The following GAP43 variants were observed in gnomAD, a reference collection of about 807,000 sequenced individuals.
The protein encoded by GAP43 is growth associated protein 43.
In GAP43, 6 loss-of-function variants were observed where a neutral mutation model predicts 18.6. That is an observed-to-expected ratio of 0.32 (90% CI 0.18 to 0.64). GAP43 has a LOEUF of 0.64. Among genes scored for constraint, GAP43 ranks in the 30% least tolerant of loss-of-function variants. GAP43 has a pLI of 0.78. For synonymous variants in GAP43, 115 were observed against 111.4 expected, an observed-to-expected ratio of 1.03 and a Z score of -0.20; for missense variants, 292 against 295.5, an observed-to-expected ratio of 0.99 and a Z score of 0.09.
Position 115,683,111 on chromosome 3 carries a change from C to T in GAP43, c.628+6501C>T, listed in dbSNP as rs540551911. Among the ~76,000 whole-genome samples the T allele has an allele frequency of 1.5e-3, 220 of 143,486 alleles. 1 individual carries two copies. Among genetic ancestry groups the T allele is most frequent in the African/African-American group, 5.4e-3 (204 of 38,064 alleles). The allele number at this position is 143,486 out of a possible 152,430, so 94.1% of individuals were successfully genotyped here. ...CATTCATAAAATATTTTTCTTTTTT[C>T]TCTACATACATGTGCGCGCGCGTGC... On this transcript the variant is annotated intron_variant, in intron 2 of 2. Coordinates refer to ENST00000305124, the MANE Select transcript of GAP43 (RefSeq NM_002045.4).
chr3:115,694,026 G>T (rs747927939), intron 2 of GAP43, among the ~76,000 whole-genome samples: 4 of 152,124 alleles, frequency 2.6e-5, no homozygotes, highest in African/African-American at 4.8e-5. Context: ...TTGCTGGCAC[G>T]TGCCCGGTGG....
At chr3:115,695,914 T>C (rs1709182441) in intron 2 of GAP43, among the ~76,000 whole-genome samples, 1 of 152,204 alleles carries the variant, frequency 6.6e-6, no homozygotes, top group Non-Finnish European at 1.5e-5. Flanking sequence ...GGATGTTGCC[T>C]ATTCTGATTA....
chr3:115,659,528 ATTAAACACTACGATGTGATGGGCT>A (rs540829330), intron 1 of GAP43, among the ~76,000 whole-genome samples: 105 of 152,334 alleles, frequency 6.9e-4, no homozygotes, highest in African/African-American at 2.5e-3. Context: ...GTGAATGAAC[ATTAAACACTACGATGTGATGGGCT>A]TTGTCACAGG....
At chr3:115,641,324 C>G (rs1167251330) in intron 1 of GAP43, among the ~76,000 whole-genome samples, 4 of 151,700 alleles carry the variant, frequency 2.6e-5, no homozygotes, top group Non-Finnish European at 1.5e-5. Context: ...TTCCCCTTTT[C>G]TCATATTGTC....
At chr3:115,719,861 A>ATTC (rs962431501) in intron 2 of GAP43, among the ~76,000 whole-genome samples, 11 of 152,196 alleles carry the variant, frequency 7.2e-5, no homozygotes, top group Admixed American at 2.6e-4. Context: ...GAGCAAATGA[A>ATTC]TTCTTTTTCC....
chr3:115,677,926 GT>G (rs1708914243), intron 2 of GAP43, among the ~76,000 whole-genome samples: 2 of 152,192 alleles, frequency 1.3e-5, no homozygotes, highest in South Asian at 4.2e-4. Context: ...TTCTTTCATC[GT>G]ATCCCTAAAA....
At chr3:115,650,492 C>T (rs1559792106) in intron 1 of GAP43, among the ~76,000 whole-genome samples, 1 of 151,948 alleles carries the variant, frequency 6.6e-6, no homozygotes, top group Non-Finnish European at 1.5e-5. Context: ...TCTCTGTGAG[C>T]CCCCTTTCTT....
rs116520843 is a variant in GAP43 at position 115,648,508 on chromosome 3, G to C, written c.30+24789G>C. On this transcript the variant is annotated intron_variant, in intron 1 of 2. Transcript: ENST00000305124. ...TAGCTTAGATTTACTGGAATGGATG[G>C]GCTATTGGCAGAACTGATAAAAGGA... is the stretch of plus-strand genomic sequence containing the variant. Among the ~76,000 whole-genome samples the C allele has an allele frequency of 5.0e-3, 762 of 152,208 alleles. 9 individuals carry two copies. Among genetic ancestry groups the C allele is most frequent in the African/African-American group, 0.017 (724 of 41,522 alleles).
chr3:115,676,213 G>A lies in GAP43; in HGVS notation c.231G>A (p.Gly77=), dbSNP rs766987098. The A allele has an allele frequency of 3.1e-6, 5 of 1,614,040 alleles. No individual in the cohort carries two copies. In the East Asian group the frequency reaches 6.7e-5, roughly 22 times the overall value. ...NKKDEAPVAD[G]VEKKGEGTTT... ...AGGATGAAGCCCCTGTTGCCGATGG[G>A]GTGGAGAAGAAGGGAGAAGGCACCA... is the stretch of plus-strand genomic sequence containing the variant. The change falls in exon 2 of 3, where the codon GGG becomes GGA. Residue 77 remains glycine, a synonymous_variant. Transcript: ENST00000305124.
chr3:115,708,002 CACACACACACACAT>C (rs1709386401), intron 2 of GAP43, among the ~76,000 whole-genome samples: 1 of 33,158 alleles, frequency 3.0e-5, no homozygotes, highest in Admixed American at 3.1e-4. Flanking sequence ...CACACACACA[CACACACACACACAT>C]ATATATATAC....
chr3:115,659,187 T>A lies in GAP43; in HGVS notation c.31-16826T>A, dbSNP rs971173888. Among the ~76,000 whole-genome samples, 17 of 152,154 alleles carry A rather than the reference T, an allele frequency of 1.1e-4. 1 individual carries two copies. Among genetic ancestry groups the A allele is most frequent in the African/African-American group, 4.1e-4 (17 of 41,506 alleles). On this transcript the variant is annotated intron_variant, in intron 1 of 2. Transcript: ENST00000305124. ...CGGACCTTTGGAAACTAAACAGCAA[T>A]GCTCTGTCTTTAGAAGACAGCACAG...
chr3:115,646,812 A>C (rs554424871), intron 1 of GAP43, among the ~76,000 whole-genome samples: 1 of 152,164 alleles, frequency 6.6e-6, no homozygotes, highest in East Asian at 1.9e-4. Context: ...ATGAGTCTTA[A>C]TATAAAAGAT....
intron 2 of GAP43, among the ~76,000 whole-genome samples, chr3:115,696,580 C>T (rs1044054206): frequency 4.5e-5 from 5 of 110,186 alleles, no homozygotes; most frequent in African/African-American, 1.8e-4. Context: ...CCCCCACCGC[C>T]CCCCCCCCCC....
At chr3:115,695,562 A>G (rs1046212549) in intron 2 of GAP43, among the ~76,000 whole-genome samples, 1 of 152,216 alleles carries the variant, frequency 6.6e-6, no homozygotes. Flanking sequence ...GGAGAAATCA[A>G]AGTACAGAGA....
intron 2 of GAP43, among the ~76,000 whole-genome samples, chr3:115,709,864 T>TATATATATATATATAC (rs1023390895): frequency 1.5e-5 from 2 of 130,974 alleles, no homozygotes; most frequent in African/African-American, 5.4e-5. Flanking sequence ...TATATATATA[T>TATATATATATATATAC]ACACACACAT....
intron 2 of GAP43, among the ~76,000 whole-genome samples, chr3:115,698,081 A>ATATT (rs1709226985): frequency 1.4e-5 from 1 of 73,928 alleles, no homozygotes; most frequent in African/African-American, 5.5e-5. Flanking sequence ...TATAATATAT[A>ATATT]AAATATGTAT....
intron 2 of GAP43, among the ~76,000 whole-genome samples, chr3:115,691,903 G>A (rs1709120029): frequency 6.6e-6 from 1 of 151,852 alleles, no homozygotes; most frequent in Non-Finnish European, 1.5e-5. Flanking sequence ...AAGGGAAATA[G>A]CTAACACACT....
intron 2 of GAP43, among the ~76,000 whole-genome samples, chr3:115,718,682 T>G (rs945150911): frequency 6.6e-6 from 1 of 152,150 alleles, no homozygotes; most frequent in Non-Finnish European, 1.5e-5. Flanking sequence ...AGTCAGACTT[T>G]AAAACCCTGG....
At chr3:115,685,953 G>A (rs1179583918) in intron 2 of GAP43, among the ~76,000 whole-genome samples, 1 of 152,092 alleles carries the variant, frequency 6.6e-6, no homozygotes, top group Non-Finnish European at 1.5e-5. Context: ...GATTTTATCA[G>A]ATATCTGCAG....
Sources: gnomAD v4.1 joint callset for allele counts (sites outside exome capture counted in the v4.1 genomes callset) on GRCh38, gnomAD v4.1.1 for gene constraint, MANE v1.5 for transcripts, NCBI Gene and HGNC (gene_info 2026-07-23, HGNC 2026-07-21) for gene names.